Variants in ZMAT4 observed in about 807,000 individuals in gnomAD.
ZMAT4 encodes zinc finger matrin-type 4, also known as zinc finger matrin-type protein 4.
A neutral mutation model predicts 28.7 loss-of-function variants in ZMAT4; 17 were observed. The observed-to-expected ratio is 0.59, with a 90% CI of 0.41 to 0.89. The LOEUF (loss-of-function observed/expected upper bound fraction) is 0.89. Among genes scored for constraint, ZMAT4 ranks in the 40% least tolerant of loss-of-function variants. The probability of loss-of-function intolerance (pLI) is 0.00; values close to 1 mark genes in which losing one functional copy is unlikely to be tolerated. For synonymous variants in ZMAT4, 117 were observed against 109.2 expected (o/e 1.07, Z -0.44); for missense variants, 240 against 283.8 (o/e 0.85, Z 1.11).
chr8:40,579,378 T>C (rs2118537154), intron 6 of ZMAT4, among the ~76,000 whole-genome samples: 1 of 152,286 alleles, frequency 6.6e-6, no homozygotes, highest in Admixed American at 6.5e-5. Flanking sequence ...TGTAACAAAA[T>C]GTTACTTAGA....
chr8:40,542,988 C>T (rs1392836592), intron 6 of ZMAT4, among the ~76,000 whole-genome samples: 2 of 152,206 alleles, frequency 1.3e-5, no homozygotes, highest in Non-Finnish European at 1.5e-5. Context: ...GCTCACGCCT[C>T]TAACGTCACT....
chr8:40,598,059 A>ATT (rs34348947), intron 5 of ZMAT4, among the ~76,000 whole-genome samples: 1 of 144,728 alleles, frequency 6.9e-6, no homozygotes, highest in South Asian at 2.2e-4. Context: ...AGCTCCCTGA[A>ATT]TTTTTTTTAT....
intron 6 of ZMAT4, among the ~76,000 whole-genome samples, chr8:40,552,025 G>T (rs1803383459): frequency 6.6e-6 from 1 of 152,126 alleles, no homozygotes; most frequent in South Asian, 2.1e-4. Context: ...CTCAACAAAT[G>T]CCGGCTGAAT....
chr8:40,694,515 C>T (rs1809790033), intron 4 of ZMAT4, among the ~76,000 whole-genome samples: 1 of 152,154 alleles, frequency 6.6e-6, no homozygotes, highest in South Asian at 2.1e-4. Context: ...GCTTTCCCAA[C>T]ACCGGCACAC....
intron 5 of ZMAT4, among the ~76,000 whole-genome samples, chr8:40,628,807 C>A (rs1806466914): frequency 6.6e-6 from 1 of 152,056 alleles, no homozygotes; most frequent in African/African-American, 2.4e-5. Flanking sequence ...TAGGCTTAGA[C>A]AGGATGAAAA....
chr8:40,560,197 T>TTA (rs4038742), intron 6 of ZMAT4, among the ~76,000 whole-genome samples: 102,834 of 141,954 alleles, frequency 0.72, 38,210 homozygotes, highest in Non-Finnish European at 0.82. Flanking sequence ...TTGTCAAACT[T>TTA]TATATATATA....
chr8:40,737,749 A>G (rs1294981801), intron 3 of ZMAT4, among the ~76,000 whole-genome samples: 4 of 152,110 alleles, frequency 2.6e-5, no homozygotes, highest in Non-Finnish European at 5.9e-5. Context: ...ATCGCATAAA[A>G]TATCAGGTCT....
chr8:40,665,237 CA>C (rs67794891), intron 5 of ZMAT4, among the ~76,000 whole-genome samples: 1 of 129,802 alleles, frequency 7.7e-6, no homozygotes, highest in Non-Finnish European at 1.7e-5. Flanking sequence ...AACACACACA[CA>C]AAAAAAACAA....
chr8:40,532,252 G>T lies in ZMAT4; in HGVS notation c.675-14C>A. 6.3e-7 allele frequency: 1 copy of T among 1,576,548 alleles called. No homozygotes were observed. Among genetic ancestry groups the T allele is most frequent in the Non-Finnish European group, 8.6e-7 (1 of 1,160,600 alleles). On this transcript the variant is annotated splice_polypyrimidine_tract_variant and intron_variant, in intron 6 of 6. Coordinates refer to ENST00000297737, the MANE Select transcript of ZMAT4 (RefSeq NM_024645.3). ...TTATTCTTCAGGCTATAAGACAGAA[G>T]GAAACACAGTGTTACCTTCTTTCAT...
At chr8:40,800,087 T>C (rs1563492673) in intron 2 of ZMAT4, among the ~76,000 whole-genome samples, 1 of 152,240 alleles carries the variant, frequency 6.6e-6, no homozygotes, top group Non-Finnish European at 1.5e-5. Context: ...AGTCATTTGC[T>C]GCATGGCAGC....
chr8:40,817,884 T>C (rs1199719524), intron 2 of ZMAT4, among the ~76,000 whole-genome samples: 1 of 152,220 alleles, frequency 6.6e-6, no homozygotes, highest in Admixed American at 6.5e-5. Context: ...GTTAAATCCA[T>C]TTCCTTTTAC....
At chr8:40,739,832 T>G (rs1811926123) in intron 3 of ZMAT4, among the ~76,000 whole-genome samples, 1 of 152,132 alleles carries the variant, frequency 6.6e-6, no homozygotes, top group African/African-American at 2.4e-5. Context: ...GTGTATGATA[T>G]TCCCTCCCTG....
At chr8:40,820,185 T>G (rs982798242) in intron 2 of ZMAT4, among the ~76,000 whole-genome samples, 21 of 143,706 alleles carry the variant, frequency 1.5e-4, no homozygotes, top group East Asian at 8.9e-4. Flanking sequence ...TGTGTGTGTG[T>G]GGGCGGGTGT....
intron 5 of ZMAT4, among the ~76,000 whole-genome samples, chr8:40,641,225 G>A (rs1024040142): frequency 6.6e-6 from 1 of 152,138 alleles, no homozygotes; most frequent in East Asian, 1.9e-4. Context: ...TGTAGCAAAG[G>A]TGCTAACTGG....
chr8:40,816,099 T>A (rs1815523641), intron 2 of ZMAT4, among the ~76,000 whole-genome samples: 1 of 152,172 alleles, frequency 6.6e-6, no homozygotes, highest in Non-Finnish European at 1.5e-5. Context: ...AGTTTCATTT[T>A]CCTCCTGGGC....
chr8:40,735,842 C>T (rs115249392), intron 3 of ZMAT4, among the ~76,000 whole-genome samples: 2,567 of 152,232 alleles, frequency 0.017, 70 homozygotes, highest in African/African-American at 0.058. Context: ...TCTGGATGGG[C>T]GCTCGGGAAG....
intron 1 of ZMAT4, among the ~76,000 whole-genome samples, chr8:40,837,542 G>A (rs1473343613): frequency 6.6e-6 from 1 of 152,202 alleles, no homozygotes; most frequent in Non-Finnish European, 1.5e-5. Flanking sequence ...TTTTTACCCA[G>A]TGAAACCTCT....
intron 2 of ZMAT4, chr8:40,786,863 C>G (rs886644463): frequency 4.0e-6 from 2 of 506,020 alleles, no homozygotes; most frequent in African/African-American, 4.0e-5. Context: ...TCTAGGCCCA[C>G]AAAGAGTAAC....
At chr8:40,824,715 TGAAAGAAA>T (rs60779807) in intron 2 of ZMAT4, among the ~76,000 whole-genome samples, 3 of 110,276 alleles carry the variant, frequency 2.7e-5, no homozygotes, top group South Asian at 2.7e-4. Context: ...AAAGAAAGAA[TGAAAGAAA>T]GAAAGAAAGA....
Sources: allele counts gnomAD v4.1 joint callset (sites outside exome capture counted in the v4.1 genomes callset), GRCh38; gene constraint gnomAD v4.1.1; transcripts MANE v1.5; gene names NCBI Gene and HGNC (gene_info 2026-07-23, HGNC 2026-07-21).